The following CALN1 variants were observed in gnomAD, a reference collection of about 807,000 sequenced individuals.
CALN1 encodes the protein calcium-binding protein 8.
Under a neutral mutation model 30.6 loss-of-function variants are expected in CALN1, and 17 were observed. The observed-to-expected ratio is 0.56, with a 90% confidence interval of 0.38 to 0.83. The LOEUF (loss-of-function observed/expected upper bound fraction) is 0.83, where lower values mean the gene tolerates loss of function less well. Among genes scored for constraint, CALN1 ranks in the 40% least tolerant of loss-of-function variants. The pLI, the probability that CALN1 is intolerant of heterozygous loss-of-function variation, is 0.00. For missense variants in CALN1, 291 were observed against 354.9 expected (o/e 0.82, Z 1.45); for synonymous variants, 156 against 131.4 (o/e 1.19, Z -1.28).
At chr7:72,149,838 G>T (rs1787084365) in intron 3 of CALN1, among the ~76,000 whole-genome samples, 2 of 151,986 alleles carry the variant, frequency 1.3e-5, no homozygotes, top group South Asian at 4.2e-4. Context: ...GACAGGCCAG[G>T]CACCGTGGCT....
chr7:72,197,734 T>C (rs140615836), intron 3 of CALN1, among the ~76,000 whole-genome samples: 1 of 152,252 alleles, frequency 6.6e-6, no homozygotes, highest in African/African-American at 2.4e-5. Flanking sequence ...TGCACACCTG[T>C]AGTTTTTGCT....
chr7:71,822,953 A>C (rs1004829686), intron 5 of CALN1, among the ~76,000 whole-genome samples: 6 of 152,160 alleles, frequency 3.9e-5, no homozygotes, highest in African/African-American at 1.4e-4. Flanking sequence ...CTGTCCCTAA[A>C]CTAAGTGCCT....
rs540909189 is a variant in CALN1, at chr7:72,371,568, C to G, written c.119+31683G>C. 5.3e-4 allele frequency among the ~76,000 whole-genome samples: 81 copies of G among 152,156 alleles called. No individual in the cohort carries two copies. The South Asian group carries it at 0.012, about 23-fold the overall frequency. On this transcript the variant is annotated intron_variant, in intron 2 of 6. Transcript: ENST00000395275. ...CCACAGTGATTGTTTCCTGAGGCCT[C>G]CCCAGACATGTGGAACTGTGAGTCA...
intron 4 of CALN1, among the ~76,000 whole-genome samples, chr7:72,024,522 C>A (rs562797391): frequency 2.3e-4 from 35 of 152,116 alleles, no homozygotes; most frequent in Admixed American, 1.2e-3. Context: ...CCTCAGCCTC[C>A]AGAGTAGCTG....
chr7:71,797,324 G>C (rs115431730), intron 6 of CALN1, among the ~76,000 whole-genome samples: 2,142 of 152,298 alleles, frequency 0.014, 41 homozygotes, highest in African/African-American at 0.049. Context: ...AGGATAACCA[G>C]AGCCACCAGG....
intron 2 of CALN1, among the ~76,000 whole-genome samples, chr7:72,372,104 T>C (rs117442394): frequency 1.3e-5 from 2 of 152,212 alleles, no homozygotes; most frequent in Non-Finnish European, 2.9e-5. Flanking sequence ...TCTGGCTTGA[T>C]GAAAGGATAC....
chr7:72,400,571 G>A (rs1022998419), intron 2 of CALN1, among the ~76,000 whole-genome samples: 2 of 152,152 alleles, frequency 1.3e-5, no homozygotes, highest in Admixed American at 6.5e-5. Context: ...CATGAGGCGA[G>A]ATTAAGAAGG....
intron 3 of CALN1, among the ~76,000 whole-genome samples, chr7:72,193,047 G>C (rs906749127): frequency 6.6e-6 from 1 of 151,956 alleles, no homozygotes; most frequent in Non-Finnish European, 1.5e-5. Flanking sequence ...AATTAGCCGG[G>C]AGTGGTACCA....
At chr7:72,191,292 G>C (rs1790581835) in intron 3 of CALN1, among the ~76,000 whole-genome samples, 1 of 152,104 alleles carries the variant, frequency 6.6e-6, no homozygotes, top group African/African-American at 2.4e-5. Flanking sequence ...CTGTGTAAGA[G>C]GAAGGAGAAA....
chr7:72,300,335 T>C (rs1293915758), intron 2 of CALN1, among the ~76,000 whole-genome samples: 4 of 152,178 alleles, frequency 2.6e-5, no homozygotes, highest in Admixed American at 2.6e-4. Flanking sequence ...CTCTATTTTT[T>C]TTTTCAGTCT....
At chr7:72,212,928 A>G (rs950285645) in intron 3 of CALN1, among the ~76,000 whole-genome samples, 1 of 152,242 alleles carries the variant, frequency 6.6e-6, no homozygotes. Context: ...CACCTTCCAC[A>G]TGGAGAAAAT....
intron 2 of CALN1, among the ~76,000 whole-genome samples, chr7:72,302,221 G>C (rs1799319197): frequency 6.6e-6 from 1 of 152,136 alleles, no homozygotes; most frequent in Non-Finnish European, 1.5e-5. Flanking sequence ...TGAAGCTTGA[G>C]ACTGAAAATG....
chr7:72,293,247 G>A (rs1040007587), intron 2 of CALN1, among the ~76,000 whole-genome samples: 2 of 152,172 alleles, frequency 1.3e-5, no homozygotes, highest in African/African-American at 4.8e-5. Context: ...CCCACCCCTA[G>A]TCTGGAAGGA....
intron 5 of CALN1, among the ~76,000 whole-genome samples, chr7:71,900,220 A>T (rs942052837): frequency 1.3e-5 from 2 of 152,214 alleles, no homozygotes; most frequent in African/African-American, 4.8e-5. Context: ...AGAAAATGCA[A>T]ATAACTATGG....
chr7:72,430,893 A>C (rs190480534), intron 1 of CALN1, among the ~76,000 whole-genome samples: 49 of 152,056 alleles, frequency 3.2e-4, no homozygotes, highest in African/African-American at 1.1e-3. Context: ...GTCAAGGAGA[A>C]TTATCTCAAA....
chr7:72,396,691 G>A (rs1805984783), intron 2 of CALN1, among the ~76,000 whole-genome samples: 1 of 152,110 alleles, frequency 6.6e-6, no homozygotes, highest in African/African-American at 2.4e-5. Context: ...GGTGGGTAGG[G>A]AGTTGAAGAT....
At chr7:72,247,825 C>A (rs1795292956) in intron 3 of CALN1, among the ~76,000 whole-genome samples, 1 of 152,070 alleles carries the variant, frequency 6.6e-6, no homozygotes, top group Admixed American at 6.5e-5. Flanking sequence ...AAGACCCCAT[C>A]TCTACAAAAA....
chr7:71,865,723 G>C (rs912471791), intron 5 of CALN1, among the ~76,000 whole-genome samples: 1 of 152,106 alleles, frequency 6.6e-6, no homozygotes, highest in Non-Finnish European at 1.5e-5. Flanking sequence ...TCTCATCTAG[G>C]TGCTGTTTAG....
intron 5 of CALN1, among the ~76,000 whole-genome samples, chr7:71,875,069 G>C (rs138562021): frequency 0.012 from 1,756 of 144,766 alleles, 16 homozygotes; most frequent in Middle Eastern, 0.054. Context: ...GGGGGCTGAA[G>C]CACCAGAATC....
Sources: gnomAD v4.1 joint callset for allele counts (sites outside exome capture counted in the v4.1 genomes callset) on GRCh38, gnomAD v4.1.1 for gene constraint, MANE v1.5 for transcripts, NCBI Gene and HGNC (gene_info 2026-07-23, HGNC 2026-07-21) for gene names.